The following CFAP44 variants were observed in gnomAD, a reference collection of about 807,000 sequenced individuals.
The protein encoded by CFAP44 is cilia and flagella associated protein 44, also known as cilia- and flagella-associated protein 44.
CFAP44 carries 134 observed loss-of-function variants against 216.2 expected under a neutral mutation model. The observed-to-expected ratio is 0.62, with a 90% confidence interval of 0.54 to 0.72. The LOEUF is 0.72. Among genes scored for constraint, CFAP44 ranks in the 30% least tolerant of loss-of-function variants. The pLI is 0.00. For missense variants in CFAP44, 2,035 were observed against 2,182.1 expected, an observed-to-expected ratio of 0.93 and a Z score of 1.34; for synonymous variants, 700 against 727.6, an observed-to-expected ratio of 0.96 and a Z score of 0.61.
intron 15 of CFAP44, among the ~76,000 whole-genome samples, chr3:113,383,355 C>T (rs1933563802): frequency 6.6e-6 from 1 of 152,124 alleles, no homozygotes; most frequent in Non-Finnish European, 1.5e-5. Context: ...GTCTTGTATG[C>T]TCACAGGACA....
intron 22 of CFAP44, among the ~76,000 whole-genome samples, chr3:113,354,484 G>T (rs946521556): frequency 6.6e-6 from 1 of 152,184 alleles, no homozygotes; most frequent in African/African-American, 2.4e-5. Flanking sequence ...TTAGGACTGT[G>T]GGTTGCATGG....
At chr3:113,406,201 G>T (rs973724379) in intron 8 of CFAP44, among the ~76,000 whole-genome samples, 2 of 152,168 alleles carry the variant, frequency 1.3e-5, no homozygotes, top group African/African-American at 4.8e-5. Flanking sequence ...TGTTGCAGAT[G>T]CCTCTATAAA....
chr3:113,315,983 G>A (rs1215175507), intron 28 of CFAP44, among the ~76,000 whole-genome samples: 1 of 152,136 alleles, frequency 6.6e-6, no homozygotes, highest in Non-Finnish European at 1.5e-5. Flanking sequence ...GTAAATCAAG[G>A]AGCATCTATA....
intron 21 of CFAP44, among the ~76,000 whole-genome samples, chr3:113,359,273 T>C (rs934886686): frequency 1.3e-5 from 2 of 152,212 alleles, no homozygotes; most frequent in South Asian, 2.1e-4. Flanking sequence ...CCAGGAAAGA[T>C]AGCAGTATCT....
chr3:113,423,130 T>TG (rs1559945164), intron 4 of CFAP44, among the ~76,000 whole-genome samples: 3 of 92,028 alleles, frequency 3.3e-5, no homozygotes, highest in African/African-American at 1.2e-4. Flanking sequence ...TTTTTTTTTT[T>TG]GTGAGATGGG....
chr3:113,379,336 G>A lies in CFAP44; in HGVS notation c.2268C>T (p.Tyr756=), dbSNP rs768897400. Reference sequence around the variant, plus strand: ...AAACCCAGAACTTCCCTGGCTCTGAGTAAAATCCACAGAGGATGGGAGAGG... The same window carrying A: ...AAACCCAGAACTTCCCTGGCTCTGAATAAAATCCACAGAGGATGGGAGAGG... ...STPSPILCGF[Y]SEPGKFWVSL... is the part of the protein sequence containing the mutation. Residue 756 remains tyrosine (Y), a synonymous_variant, in exon 17 of 35, where the codon TAC becomes TAT. Coordinates refer to ENST00000393845, the MANE Select transcript of CFAP44 (RefSeq NM_001164496.2). 6 of 1,601,272 alleles carry A rather than the reference G, an allele frequency of 3.7e-6. No individual in the cohort carries two copies. Among genetic ancestry groups the A allele is most frequent in the Non-Finnish European group, 5.1e-6 (6 of 1,171,372 alleles).
At position 113,380,957 on chromosome 3, in the gene CFAP44, T is replaced by C; in HGVS notation, c.1994A>G (p.Glu665Gly). 6.3e-7 allele frequency: 1 copy of C among 1,597,690 alleles called. No homozygotes were observed. The highest frequency in any genetic ancestry group is 8.5e-7 in the Non-Finnish European group (1 of 1,172,108). Residue 665 changes from glutamate (E) to glycine (G), a missense_variant, in exon 16 of 35, where the codon GAA becomes GGA. By Grantham distance (98) the Glu-to-Gly change is moderately conservative. Coordinates refer to ENST00000393845, the MANE Select transcript of CFAP44 (RefSeq NM_001164496.2). ...ACATTTTATGCACATGTCTTTGATT[T>C]CATAGGAGACTACATCATGATCATC... ...EEDDHDVVSY[E>G]IKDMCIKCFH...
chr3:113,389,613 G>C (rs1436026281), intron 15 of CFAP44, among the ~76,000 whole-genome samples: 3 of 151,618 alleles, frequency 2.0e-5, no homozygotes, highest in Admixed American at 2.0e-4. Flanking sequence ...CCTTTAGCCA[G>C]ACTAACAAAA....
intron 4 of CFAP44, among the ~76,000 whole-genome samples, 195 bp from the exon 5 acceptor site, chr3:113,420,374 G>A (rs570315824): frequency 6.6e-6 from 1 of 152,048 alleles, no homozygotes; most frequent in Non-Finnish European, 1.5e-5. Flanking sequence ...AGAAAAAAAA[G>A]GCCTGGGCAG....
intron 1 of CFAP44, among the ~76,000 whole-genome samples, chr3:113,439,500 T>C (rs1227051114): frequency 6.6e-6 from 1 of 152,228 alleles, no homozygotes; most frequent in Non-Finnish European, 1.5e-5. Flanking sequence ...AAAATAATTA[T>C]GTAGTCTTTT....
chr3:113,420,827 T>A (rs1289716194), intron 4 of CFAP44, among the ~76,000 whole-genome samples: 1 of 152,210 alleles, frequency 6.6e-6, no homozygotes, highest in African/African-American at 2.4e-5. Flanking sequence ...CAACAAATTA[T>A]GAAAATTGAT....
At chr3:113,419,077 A>T (rs1023241947) in intron 5 of CFAP44, among the ~76,000 whole-genome samples, 1 of 152,226 alleles carries the variant, frequency 6.6e-6, no homozygotes, top group African/African-American at 2.4e-5. Context: ...ACAAAATATT[A>T]AAATAGAAAT....
intron 4 of CFAP44, among the ~76,000 whole-genome samples, chr3:113,421,383 C>T (rs1934811103): frequency 6.6e-6 from 1 of 152,176 alleles, no homozygotes; most frequent in South Asian, 2.1e-4. Flanking sequence ...TGCTTATATA[C>T]TATCAGTGAG....
At chr3:113,419,788 C>A (rs1934758194) in intron 5 of CFAP44, among the ~76,000 whole-genome samples, 1 of 152,172 alleles carries the variant, frequency 6.6e-6, no homozygotes, top group African/African-American at 2.4e-5. Flanking sequence ...ATTTCCTTAT[C>A]TGCAAAAAGA....
Position 113,302,457 on chromosome 3 carries a change from TAAA to T in CFAP44, c.5077+1456_5077+1458del, listed in dbSNP as rs60866565. On this transcript the variant is annotated intron_variant, in intron 32 of 34. Transcript: ENST00000393845. ...GTATCCAAAGATACACTAGACAAAG[TAAA>T]AAAAAAAAAAAAAAAAAAAAGATAG... 2.1e-4 allele frequency among the ~76,000 whole-genome samples: 16 copies of T among 75,790 alleles called. 1 individual carries two copies. Among genetic ancestry groups the T allele is most frequent in the African/African-American group, 5.6e-4 (13 of 23,228 alleles). The allele number at this position is 75,790 out of a possible 152,430, so 49.7% of individuals were successfully genotyped here. A position where few individuals can be genotyped will look rare whatever the true frequency, so the allele number is the denominator to read the frequency against.
rs1445900488 is a variant in CFAP44, at chr3:113,366,132, C to A, written c.2622G>T (p.Val874=). The A allele has an allele frequency of 6.2e-7, 1 of 1,614,008 alleles. No homozygotes were observed. Among genetic ancestry groups the A allele is most frequent in the Non-Finnish European group, 8.5e-7 (1 of 1,179,970 alleles). Residue 874 remains valine, a synonymous_variant, in exon 19 of 35, where the codon GTG becomes GTT. Coordinates refer to ENST00000393845, the MANE Select transcript of CFAP44 (RefSeq NM_001164496.2). The part of the protein sequence containing the change: ...IANSFDDRFL[V]TAGADGNIFV... ...AGATATTGCCATCTGCTCCAGCAGTCACCAAGAAACGATCATCAAAGCTAT... is the reference window on the plus strand; with the variant it reads ...AGATATTGCCATCTGCTCCAGCAGTAACCAAGAAACGATCATCAAAGCTAT...
At position 113,416,642 on chromosome 3, in the gene CFAP44, A is replaced by C; in HGVS notation, c.571-15T>G. On this transcript the variant is annotated splice_polypyrimidine_tract_variant and intron_variant, in intron 5 of 34. Coordinates refer to ENST00000393845, the MANE Select transcript of CFAP44 (RefSeq NM_001164496.2). The stretch of plus-strand genomic sequence containing the variant: ...TGTGGATGAACCTACAAAAGATAAA[A>C]TTTCACCAAAATATTAAAAGAAAGA... 1 of 1,554,184 alleles carries C rather than the reference A, an allele frequency of 6.4e-7. No homozygotes were observed. The highest frequency in any genetic ancestry group is 8.8e-7 in the Non-Finnish European group (1 of 1,136,900).
intron 28 of CFAP44, among the ~76,000 whole-genome samples, chr3:113,320,648 G>A (rs970070077): frequency 1.3e-5 from 2 of 151,312 alleles, no homozygotes; most frequent in African/African-American, 4.9e-5. Context: ...TGATCACAAG[G>A]TCCTAAAATA....
intron 21 of CFAP44, 95 bp from the exon 22 acceptor site, chr3:113,358,970 C>A: frequency 7.3e-7 from 1 of 1,374,374 alleles, no homozygotes. Context: ...TGCATCATAA[C>A]TCTTCCCCAA....
Sources: allele counts gnomAD v4.1 joint callset (sites outside exome capture counted in the v4.1 genomes callset), GRCh38; gene constraint gnomAD v4.1.1; transcripts MANE v1.5; gene names NCBI Gene and HGNC (gene_info 2026-07-23, HGNC 2026-07-21).